Variants in SLIT1 observed in about 807,000 individuals in gnomAD.
SLIT1 encodes the protein slit homolog 1 protein.
SLIT1 carries 66 observed loss-of-function variants against 186.1 expected under a neutral mutation model. The ratio of observed to expected loss-of-function variants is 0.35; its 90% CI spans 0.29 to 0.44. The LOEUF is 0.44. SLIT1 is among the 20% of genes least tolerant of loss of function. The probability of loss-of-function intolerance (pLI) is 1.00; values close to 1 mark genes in which losing one functional copy is unlikely to be tolerated. For missense variants in SLIT1, 1,638 were observed against 2,037.4 expected (o/e 0.80, Z 3.77); for synonymous variants, 761 against 833.8 (o/e 0.91, Z 1.50).
intron 4 of SLIT1, among the ~76,000 whole-genome samples, chr10:97,108,062 C>G (rs1019085478): frequency 1.3e-5 from 2 of 152,228 alleles, no homozygotes; most frequent in Non-Finnish European, 2.9e-5. Flanking sequence ...CCAGCGTTCA[C>G]TGCCTGAGCT....
chr10:97,182,974 A>G (rs1001302188), intron 1 of SLIT1, among the ~76,000 whole-genome samples: 1 of 151,760 alleles, frequency 6.6e-6, no homozygotes, highest in African/African-American at 2.4e-5. Context: ...AAAAAAGGAA[A>G]AAAAAAAAAA....
chr10:97,101,178 G>GC (rs1849349591), intron 4 of SLIT1, among the ~76,000 whole-genome samples: 1 of 152,214 alleles, frequency 6.6e-6, no homozygotes, highest in East Asian at 1.9e-4. Flanking sequence ...AGAGTCATAG[G>GC]CCCCCCTGGG....
rs1848280569 is a variant in SLIT1, at chr10:96,999,483, C to G, written c.*1629G>C. The stretch of plus-strand genomic sequence containing the variant: ...TCTGAGCCTCACCTGAACATACACC[C>G]AGCCATGCCTCCTGGTCACAGATGG... On this transcript the variant is annotated 3_prime_UTR_variant, in exon 37 of 37. Transcript: ENST00000266058. 1 of 152,574 alleles carries G rather than the reference C, an allele frequency of 6.6e-6. No individual in the cohort carries two copies. The highest frequency in any genetic ancestry group is 2.1e-4 in the South Asian group (1 of 4,828). 9.5% of individuals were successfully genotyped at this position (152,574 alleles called of 1,614,324 possible).
intron 4 of SLIT1, among the ~76,000 whole-genome samples, chr10:97,136,015 G>A (rs1463849235): frequency 6.6e-6 from 1 of 152,106 alleles, no homozygotes; most frequent in Non-Finnish European, 1.5e-5. Context: ...CATTAGGATG[G>A]GGCCCTCGGG....
chr10:97,127,268 A>T (rs1375904786), intron 4 of SLIT1, among the ~76,000 whole-genome samples: 2 of 151,270 alleles, frequency 1.3e-5, no homozygotes, highest in Non-Finnish European at 3.0e-5. Context: ...CCTGGGCGAC[A>T]GAGCGAGACT....
At chr10:97,127,975 C>T (rs1849619028) in intron 4 of SLIT1, among the ~76,000 whole-genome samples, 1 of 152,160 alleles carries the variant, frequency 6.6e-6, no homozygotes, top group Admixed American at 6.5e-5. Context: ...AATTGACAAG[C>T]AGCCACTCAG....
At chr10:97,054,919 T>TA (rs1419178913) in intron 13 of SLIT1, among the ~76,000 whole-genome samples, 1 of 152,188 alleles carries the variant, frequency 6.6e-6, no homozygotes, top group Non-Finnish European at 1.5e-5. Context: ...TTCAAACTAT[T>TA]AAAAAATTGC....
At chr10:97,115,254 C>T (rs1849498765) in intron 4 of SLIT1, among the ~76,000 whole-genome samples, 1 of 152,182 alleles carries the variant, frequency 6.6e-6, no homozygotes. Context: ...CCAGAGAGCT[C>T]ACTAATGCTT....
intron 6 of SLIT1, among the ~76,000 whole-genome samples, chr10:97,064,513 T>C (rs1848925939): frequency 1.3e-5 from 2 of 152,058 alleles, no homozygotes; most frequent in South Asian, 4.2e-4. Flanking sequence ...GTCCCAGGCT[T>C]GGGTTGGCTT....
chr10:97,035,431 G>C (rs992746060), intron 22 of SLIT1, among the ~76,000 whole-genome samples: 1 of 152,016 alleles, frequency 6.6e-6, no homozygotes, highest in Non-Finnish European at 1.5e-5. Context: ...CATCCCCCAG[G>C]CTCCAGCTCC....
intron 21 of SLIT1, among the ~76,000 whole-genome samples, chr10:97,039,082 G>T (rs988356149): frequency 6.6e-6 from 1 of 152,180 alleles, no homozygotes; most frequent in African/African-American, 2.4e-5. Context: ...GGCCCGCAGT[G>T]GTTGATGTGC....
chr10:97,184,021 C>CACAT lies in SLIT1; in HGVS notation c.197+1456_197+1457insATGT, dbSNP rs1436194428. 2.6e-5 allele frequency among the ~76,000 whole-genome samples: 1 copy of CACAT among 38,650 alleles called. No individual in the cohort carries two copies. The highest frequency in any genetic ancestry group is 5.3e-5 in the Non-Finnish European group (1 of 18,784). The allele number at this position is 38,650 out of a possible 152,430, so 25.4% of individuals were successfully genotyped here. On this transcript the variant is annotated intron_variant, in intron 1 of 36. Transcript: ENST00000266058. The surrounding 1 kb of genome is among the most constrained non-coding windows in gnomAD (Gnocchi z 4.4). ...CACACACACACATACACATGCACCA[C>CACAT]ACACACACACACACACACACACACA...
rs934884957 is a variant in SLIT1 at position 97,043,390 on chromosome 10, G to A, written c.1977C>T (p.Thr659=). The A allele has an allele frequency of 1.2e-6, 2 of 1,613,594 alleles. No homozygotes were observed. The highest frequency in any genetic ancestry group is 1.3e-5 in the African/African-American group (1 of 74,906). The change falls in exon 19 of 37, where the codon ACC becomes ACT. Residue 659 remains threonine, a synonymous_variant. Transcript: ENST00000266058. This position sits in a 1 kb window ranked among gnomAD's most constrained non-coding sequence, Gnocchi z 7.0. ...ITTVSPGAFD[T]LQSLSTLNLL... ...CTCACAGTGTGGAGAGGGACTGGAG[G>A]GTGTCGAAGGCTCCTGGGGATACGG...
Position 97,145,352 on chromosome 10 carries a change from G to A in SLIT1, c.413+12466C>T, listed in dbSNP as rs541740726. ...GGGATGGTCTCGAACTCCTGACCTCGCGACCCACCCTCCTTAGCCTCCCAA... is the reference window on the plus strand; with the variant it reads ...GGGATGGTCTCGAACTCCTGACCTCACGACCCACCCTCCTTAGCCTCCCAA... On this transcript the variant is annotated intron_variant, in intron 4 of 36. Transcript: ENST00000266058. 3.5e-4 allele frequency among the ~76,000 whole-genome samples: 54 copies of A among 152,136 alleles called. 1 individual carries two copies. In the South Asian group the frequency reaches 7.7e-3, roughly 22 times the overall value.
At chr10:97,159,384 A>G (rs1849996523) in intron 3 of SLIT1, among the ~76,000 whole-genome samples, 1 of 149,668 alleles carries the variant, frequency 6.7e-6, no homozygotes, top group African/African-American at 2.4e-5. Flanking sequence ...CCTTGGGGGG[A>G]TAAAATCATC....
intron 4 of SLIT1, among the ~76,000 whole-genome samples, chr10:97,088,554 T>A (rs997622683): frequency 1.3e-5 from 2 of 152,186 alleles, no homozygotes; most frequent in Admixed American, 6.5e-5. Context: ...TCGCCCTGGA[T>A]TAGCTTTTTT....
Position 97,043,249 on chromosome 10 carries a change from C to G in SLIT1, c.1997+121G>C, listed in dbSNP as rs1049014584. On this transcript the variant is annotated intron_variant, in intron 19 of 36. Coordinates refer to ENST00000266058, the MANE Select transcript of SLIT1 (RefSeq NM_003061.3). This position sits in a 1 kb window ranked among gnomAD's most constrained non-coding sequence, Gnocchi z 7.0. ...GGGAGACTTCGAAATGTGGAACCCA[C>G]GTTTCAGCAAACCACGAAGACCCAG... is the stretch of plus-strand genomic sequence containing the variant. The G allele has an allele frequency of 7.2e-7, 1 of 1,394,604 alleles. No homozygotes were observed. Among genetic ancestry groups the G allele is most frequent in the Non-Finnish European group, 1.0e-6 (1 of 1,004,390 alleles). The allele number at this position is 1,394,604 out of a possible 1,614,324, so 86.4% of individuals were successfully genotyped here.
intron 4 of SLIT1, among the ~76,000 whole-genome samples, chr10:97,141,661 TGCATTGCATTGTATC>T (rs1246322215): frequency 1.3e-4 from 18 of 133,706 alleles, no homozygotes; most frequent in African/African-American, 5.8e-4. Context: ...TGTATTGTAT[TGCATTGCATTGTATC>T]GTATTGTATC....
At chr10:97,149,658 C>T (rs539852304) in intron 4 of SLIT1, among the ~76,000 whole-genome samples, 1 of 152,232 alleles carries the variant, frequency 6.6e-6, no homozygotes, top group East Asian at 1.9e-4. Context: ...TTTTAATAAA[C>T]TCCCCACTGA....
Sources: allele counts gnomAD v4.1 joint callset (sites outside exome capture counted in the v4.1 genomes callset), GRCh38; gene constraint gnomAD v4.1.1; non-coding constraint Gnocchi (gnomAD v3.1); transcripts MANE v1.5; gene names NCBI Gene and HGNC (gene_info 2026-07-23, HGNC 2026-07-21).